The following ITPR2 variants were observed in gnomAD, a reference collection of about 807,000 sequenced individuals.
ITPR2 encodes the protein inositol 1,4,5-trisphosphate receptor type 2, also known as inositol 1,4,5-trisphosphate-gated calcium channel ITPR2.
ITPR2 carries 207 observed loss-of-function variants against 317.1 expected under a neutral mutation model. That is an observed-to-expected ratio of 0.65 (90% CI 0.58 to 0.73). The LOEUF (loss-of-function observed/expected upper bound fraction) is 0.73, where lower values mean the gene tolerates loss of function less well. Ranked by LOEUF, ITPR2 falls within the 30% of genes least tolerant of loss-of-function variation. The pLI is 0.00. For missense variants in ITPR2, 2,613 were observed against 3,284.0 expected, an observed-to-expected ratio of 0.80 and a Z score of 4.99; for synonymous variants, 1,156 against 1,149.1, an observed-to-expected ratio of 1.01 and a Z score of -0.12.
At chr12:26,814,553 A>C (rs1356579724) in intron 1 of ITPR2, among the ~76,000 whole-genome samples, 1 of 152,252 alleles carries the variant, frequency 6.6e-6, no homozygotes, top group Non-Finnish European at 1.5e-5. Context: ...ATCCCTAGAA[A>C]TAGCAAACTA....
intron 37 of ITPR2, among the ~76,000 whole-genome samples, chr12:26,500,625 A>G (rs1280012360): frequency 6.6e-6 from 1 of 152,206 alleles, no homozygotes; most frequent in Non-Finnish European, 1.5e-5. Context: ...TTACAACAAA[A>G]TATCTCCATA....
chr12:26,655,925 T>A, intron 19 of ITPR2, 73 bp from the exon 20 acceptor site: 1 of 1,407,742 alleles, frequency 7.1e-7, no homozygotes. Context: ...ACACACGTAG[T>A]TTCCTGGGTG....
chr12:26,369,217 T>C (rs895010502), intron 55 of ITPR2, among the ~76,000 whole-genome samples: 1 of 152,208 alleles, frequency 6.6e-6, no homozygotes, highest in Non-Finnish European at 1.5e-5. Context: ...GGGTTTATTC[T>C]ATGTAGAGTA....
At chr12:26,733,405 CCA>C (rs1166109724) in intron 2 of ITPR2, among the ~76,000 whole-genome samples, 6 of 151,792 alleles carry the variant, frequency 4.0e-5, no homozygotes, top group Non-Finnish European at 8.8e-5. Flanking sequence ...CTCATCCCTA[CCA>C]CAGTCTTGCA....
intron 42 of ITPR2, among the ~76,000 whole-genome samples, chr12:26,482,543 T>C (rs191491296): frequency 1.7e-3 from 256 of 152,366 alleles, no homozygotes; most frequent in African/African-American, 5.9e-3. Flanking sequence ...TGAATTTGTA[T>C]GTTTTTCCTT....
intron 49 of ITPR2, among the ~76,000 whole-genome samples, chr12:26,421,945 A>C (rs1162092933): frequency 2.6e-5 from 4 of 152,118 alleles, no homozygotes; most frequent in Non-Finnish European, 4.4e-5. Context: ...AGTCTTTAAA[A>C]AATGATAATA....
chr12:26,492,518 T>C (rs76684599), intron 39 of ITPR2, among the ~76,000 whole-genome samples: 2,507 of 152,152 alleles, frequency 0.016, 51 homozygotes, highest in South Asian at 0.069. Flanking sequence ...TCTAATGTTA[T>C]GTGGTTGACT....
chr12:26,653,741 G>T (rs1947311213), intron 21 of ITPR2, among the ~76,000 whole-genome samples: 2 of 152,176 alleles, frequency 1.3e-5, no homozygotes, highest in South Asian at 2.1e-4. Context: ...TATAATGTTA[G>T]TTGCTAAAGA....
intron 37 of ITPR2, among the ~76,000 whole-genome samples, chr12:26,527,976 G>T (rs1272612311): frequency 6.6e-6 from 1 of 152,128 alleles, no homozygotes; most frequent in African/African-American, 2.4e-5. Context: ...TGTGACTGGT[G>T]GTTTGGAAAG....
intron 45 of ITPR2, among the ~76,000 whole-genome samples, chr12:26,462,529 A>T (rs1404584054): frequency 6.6e-6 from 1 of 151,992 alleles, no homozygotes; most frequent in Non-Finnish European, 1.5e-5. Flanking sequence ...AACTATTTTC[A>T]TACATCACTT....
At chr12:26,455,769 T>C (rs1941867283) in intron 45 of ITPR2, among the ~76,000 whole-genome samples, 2 of 152,286 alleles carry the variant, frequency 1.3e-5, no homozygotes, top group Admixed American at 1.3e-4. Flanking sequence ...AAAGAAGCCA[T>C]TTAAAGATCA....
intron 10 of ITPR2, among the ~76,000 whole-genome samples, chr12:26,695,290 C>A (rs1161198050): frequency 6.6e-6 from 1 of 152,074 alleles, no homozygotes; most frequent in African/African-American, 2.4e-5. Context: ...ATGTTGTCAC[C>A]ATGAAGCTTT....
intron 2 of ITPR2, among the ~76,000 whole-genome samples, chr12:26,767,635 TA>T (rs1256051093): frequency 1.3e-5 from 2 of 152,238 alleles, no homozygotes; most frequent in African/African-American, 4.8e-5. Context: ...TGTACATGCA[TA>T]TATATTTTAG....
Position 26,415,512 on chromosome 12 carries a change from G to T in ITPR2, c.7111-14C>A, listed in dbSNP as rs760007808. 2.7e-6 allele frequency: 4 copies of T among 1,490,500 alleles called. No homozygotes were observed. The South Asian group carries it at 4.2e-5, about 16-fold the overall frequency. The allele number at this position is 1,490,500 out of a possible 1,614,324, so 92.3% of individuals were successfully genotyped here. A position where few individuals can be genotyped will look rare whatever the true frequency, so the allele number is the denominator to read the frequency against. On this transcript the variant is annotated splice_polypyrimidine_tract_variant and intron_variant, in intron 50 of 56. Transcript: ENST00000381340. Reference sequence around the variant, plus strand: ...CAAATCAAAAAGCTACAAAGATAAAGAAAACACTAATAAGAAAAGAAGGCA... The same window carrying T: ...CAAATCAAAAAGCTACAAAGATAAATAAAACACTAATAAGAAAAGAAGGCA...
intron 48 of ITPR2, among the ~76,000 whole-genome samples, chr12:26,429,843 G>C (rs762866715): frequency 6.6e-6 from 1 of 152,190 alleles, no homozygotes; most frequent in African/African-American, 2.4e-5. Flanking sequence ...CTGTCAGCCA[G>C]TTATTTGACT....
At chr12:26,473,341 T>C (rs1254749618) in intron 45 of ITPR2, among the ~76,000 whole-genome samples, 1 of 152,216 alleles carries the variant, frequency 6.6e-6, no homozygotes, top group Non-Finnish European at 1.5e-5. Flanking sequence ...GGTTCATTCA[T>C]TGTCTGCTGG....
chr12:26,750,150 CA>C, intron 2 of ITPR2, among the ~76,000 whole-genome samples: 1 of 152,196 alleles, frequency 6.6e-6, no homozygotes, highest in Non-Finnish European at 1.5e-5. Context: ...AGAAAATATT[CA>C]CCATGATGCT....
intron 55 of ITPR2, among the ~76,000 whole-genome samples, chr12:26,377,171 T>C (rs944013759): frequency 6.6e-6 from 1 of 152,166 alleles, no homozygotes; most frequent in Non-Finnish European, 1.5e-5. Flanking sequence ...CCATCTTCAT[T>C]TACCCGATCA....
chr12:26,601,954 C>T (rs1373660934), intron 28 of ITPR2, among the ~76,000 whole-genome samples: 3 of 152,330 alleles, frequency 2.0e-5, no homozygotes, highest in Non-Finnish European at 4.4e-5. Flanking sequence ...AGATGATCCA[C>T]ATTAAAGGAC....
Sources: allele counts gnomAD v4.1 joint callset (sites outside exome capture counted in the v4.1 genomes callset), GRCh38; gene constraint gnomAD v4.1.1; transcripts MANE v1.5; gene names NCBI Gene and HGNC (gene_info 2026-07-23, HGNC 2026-07-21).